The following NAV3 variants were observed in gnomAD, a reference collection of about 807,000 sequenced individuals.
The protein encoded by NAV3 is neuron navigator 3.
NAV3 carries 87 observed loss-of-function variants against 244.7 expected under a neutral mutation model. That is an observed-to-expected ratio of 0.36 (90% CI 0.30 to 0.42). The LOEUF is 0.42. Among genes scored for constraint, NAV3 ranks in the 20% least tolerant of loss-of-function variants. The probability of loss-of-function intolerance (pLI) is 1.00; values close to 1 mark genes in which losing one functional copy is unlikely to be tolerated. For missense variants in NAV3, 2,663 were observed against 2,893.3 expected, an observed-to-expected ratio of 0.92 and a Z score of 1.83; for synonymous variants, 1,126 against 1,042.2, an observed-to-expected ratio of 1.08 and a Z score of -1.55.
At chr12:77,791,171 T>C (rs1301700284) in intron 2 of NAV3, among the ~76,000 whole-genome samples, 1 of 152,034 alleles carries the variant, frequency 6.6e-6, no homozygotes, top group Non-Finnish European at 1.5e-5. Context: ...CTGGCCAATA[T>C]GGTGAAACCC....
chr12:78,000,475 G>C (rs983460495), intron 7 of NAV3, among the ~76,000 whole-genome samples: 3 of 150,358 alleles, frequency 2.0e-5, no homozygotes, highest in Non-Finnish European at 3.0e-5. Context: ...AGCAAACGAG[G>C]TAATAATATA....
intron 1 of NAV3, among the ~76,000 whole-genome samples, chr12:77,923,863 T>C (rs1887941162): frequency 6.6e-6 from 1 of 152,076 alleles, no homozygotes; most frequent in Admixed American, 6.6e-5. Flanking sequence ...AAGATGCTAT[T>C]AAATTAGTAA....
At chr12:77,774,878 A>G (rs2135891150) in intron 2 of NAV3, among the ~76,000 whole-genome samples, 1 of 152,304 alleles carries the variant, frequency 6.6e-6, no homozygotes, top group Admixed American at 6.5e-5. Context: ...AAATTAGGAG[A>G]CAAAGACTTA....
intron 2 of NAV3, among the ~76,000 whole-genome samples, chr12:77,780,345 A>G (rs972091543): frequency 5.9e-5 from 9 of 152,148 alleles, no homozygotes; most frequent in African/African-American, 1.9e-4. Context: ...AAGAACCTCA[A>G]TATGTTAAAA....
chr12:77,602,503 A>G (rs1343704498), intron 2 of NAV3, among the ~76,000 whole-genome samples: 3 of 152,038 alleles, frequency 2.0e-5, no homozygotes, highest in African/African-American at 4.8e-5. Context: ...GCCATCAGCA[A>G]TTTGAAGCTA....
rs1037080421 is a variant in NAV3, at chr12:78,123,418, C to T, written c.4238+990C>T. 6.6e-5 allele frequency among the ~76,000 whole-genome samples: 10 copies of T among 151,708 alleles called. No individual in the cohort carries two copies. In the East Asian group the frequency reaches 1.4e-3, roughly 21 times the overall value. On this transcript the variant is annotated intron_variant, in intron 16 of 39. Coordinates refer to ENST00000397909, the MANE Select transcript of NAV3 (RefSeq NM_001024383.2). ...TTTTCTAGACCTTCAGCCTTACTCC[C>T]GGAATGATATTTTTAAACATCAATT...
At chr12:77,886,453 TA>T (rs1189679994) in intron 1 of NAV3, among the ~76,000 whole-genome samples, 1 of 152,198 alleles carries the variant, frequency 6.6e-6, no homozygotes, top group African/African-American at 2.4e-5. Flanking sequence ...CCCTCAAGGA[TA>T]GGGGCTATCT....
chr12:78,150,850 G>A (rs1454034282), intron 22 of NAV3, among the ~76,000 whole-genome samples: 1 of 151,658 alleles, frequency 6.6e-6, no homozygotes, highest in Non-Finnish European at 1.5e-5. Flanking sequence ...ATGACTTTAG[G>A]GCATGAATTC....
At chr12:78,064,422 T>C (rs142705509) in intron 12 of NAV3, among the ~76,000 whole-genome samples, 80 of 113,060 alleles carry the variant, frequency 7.1e-4, no homozygotes, top group Non-Finnish European at 1.0e-3. Flanking sequence ...TGTCTGTCTG[T>C]CTGTCTGCCT....
chr12:77,664,286 C>T (rs928498242), intron 2 of NAV3, among the ~76,000 whole-genome samples: 12 of 152,108 alleles, frequency 7.9e-5, no homozygotes, highest in Admixed American at 3.3e-4. Context: ...ACTTATATAT[C>T]AGAACAGTTT....
chr12:78,059,753 T>G (rs1884056837), intron 12 of NAV3, among the ~76,000 whole-genome samples: 1 of 152,274 alleles, frequency 6.6e-6, no homozygotes. Flanking sequence ...AGACTTATTT[T>G]CCTTGTTAGA....
At chr12:78,002,525 A>T (rs975777806) in intron 7 of NAV3, among the ~76,000 whole-genome samples, 3 of 152,198 alleles carry the variant, frequency 2.0e-5, no homozygotes, top group African/African-American at 7.2e-5. Context: ...GTTAATGAGA[A>T]TTATGCATTA....
chr12:77,859,758 C>CAAAAAAAAAAAAAAAA (rs61516625), intron 1 of NAV3, among the ~76,000 whole-genome samples: 4 of 68,720 alleles, frequency 5.8e-5, no homozygotes, highest in African/African-American at 9.8e-5. Context: ...CTTTCAAATG[C>CAAAAAAAAAAAAAAAA]AAAAAAAAAA....
chr12:77,944,696 A>G (rs1056865658), intron 3 of NAV3, among the ~76,000 whole-genome samples: 7 of 152,172 alleles, frequency 4.6e-5, no homozygotes, highest in African/African-American at 1.7e-4. Context: ...ATGAAGTCAC[A>G]GGAGAAGAAA....
Position 78,210,530 on chromosome 12 carries a change from G to A in NAV3, c.*13G>A, listed in dbSNP as rs763098335. ...ATCTACCCTCTAGAGGGTGAAAAAA[G>A]TTAAGGGAAAAGACTTTGCTTTTAA... On this transcript the variant is annotated 3_prime_UTR_variant, in exon 40 of 40. Transcript: ENST00000397909. 8 of 1,607,370 alleles carry A rather than the reference G, an allele frequency of 5.0e-6. No homozygotes were observed. The highest frequency in any genetic ancestry group is 2.2e-5 in the South Asian group (2 of 89,602).
chr12:77,952,106 G>T lies in NAV3; in HGVS notation c.414+10973G>T, dbSNP rs534697197. ...AAAACAGGTTGTTTGTTTTCTTGTTGAGTTTTAAGAGTTCTTTGTAAACTT... is the reference window on the plus strand; with the variant it reads ...AAAACAGGTTGTTTGTTTTCTTGTTTAGTTTTAAGAGTTCTTTGTAAACTT... On this transcript the variant is annotated intron_variant, in intron 3 of 39. Coordinates refer to ENST00000397909, the MANE Select transcript of NAV3 (RefSeq NM_001024383.2). Among the ~76,000 whole-genome samples the T allele has an allele frequency of 3.5e-3, 519 of 148,526 alleles. 4 individuals carry two copies. Among genetic ancestry groups the T allele is most frequent in the Non-Finnish European group, 6.3e-3 (422 of 67,158 alleles).
intron 8 of NAV3, among the ~76,000 whole-genome samples, chr12:78,020,018 A>T (rs1876882278): frequency 6.6e-6 from 1 of 152,212 alleles, no homozygotes; most frequent in African/African-American, 2.4e-5. Context: ...TAAATAAATA[A>T]TAACCAATAC....
At chr12:78,048,506 G>A (rs974561112) in intron 9 of NAV3, among the ~76,000 whole-genome samples, 1 of 152,168 alleles carries the variant, frequency 6.6e-6, no homozygotes, top group Non-Finnish European at 1.5e-5. Flanking sequence ...TTTGCTGGAG[G>A]TTCACTCCAG....
chr12:77,883,031 T>G (rs185756632), intron 1 of NAV3, among the ~76,000 whole-genome samples: 1 of 152,268 alleles, frequency 6.6e-6, no homozygotes, highest in South Asian at 2.1e-4. Flanking sequence ...GTTTGGAGAT[T>G]TCTCAAAGAA....
Sources: allele counts gnomAD v4.1 joint callset (sites outside exome capture counted in the v4.1 genomes callset), GRCh38; gene constraint gnomAD v4.1.1; transcripts MANE v1.5; gene names NCBI Gene and HGNC (gene_info 2026-07-23, HGNC 2026-07-21).